ARFGEF2: variants seen among roughly 807,000 people sequenced by gnomAD.
ARFGEF2 encodes ARF guanine nucleotide exchange factor 2.
Under a neutral mutation model 219.9 loss-of-function variants are expected in ARFGEF2, and 74 were observed. The ratio of observed to expected loss-of-function variants is 0.34; its 90% CI spans 0.28 to 0.41. The LOEUF is 0.41. ARFGEF2 is among the 10% of genes least tolerant of loss of function. The pLI is 1.00. For missense variants in ARFGEF2, 1,743 were observed against 2,218.3 expected (o/e 0.79, Z 4.30); for synonymous variants, 733 against 799.2 (o/e 0.92, Z 1.40).
At chr20:48,978,951 T>A (rs1224008541) in intron 14 of ARFGEF2, among the ~76,000 whole-genome samples, 1 of 152,234 alleles carries the variant, frequency 6.6e-6, no homozygotes, top group Non-Finnish European at 1.5e-5. Context: ...TTTTCCTGAT[T>A]GAATACGCTT....
chr20:49,033,252 T>C lies in ARFGEF2; in HGVS notation c.*53T>C. On this transcript the variant is annotated 3_prime_UTR_variant, in exon 39 of 39. Coordinates refer to ENST00000371917, the MANE Select transcript of ARFGEF2 (RefSeq NM_006420.3). ...CTCTGCAGAATGTTCAGCATGCCAT[T>C]TCTGACTGGCACATCTCGTGAAGTT... is the stretch of plus-strand genomic sequence containing the variant. 6.3e-7 allele frequency: 1 copy of C among 1,599,172 alleles called. No individual in the cohort carries two copies.
chr20:48,992,487 C>T (rs1167590183), intron 21 of ARFGEF2, among the ~76,000 whole-genome samples: 1 of 152,160 alleles, frequency 6.6e-6, no homozygotes, highest in Non-Finnish European at 1.5e-5. Context: ...GCTCTAGAGC[C>T]TGGCAACTGG....
chr20:48,934,767 G>A (rs1173239968), intron 1 of ARFGEF2, among the ~76,000 whole-genome samples: 1 of 152,138 alleles, frequency 6.6e-6, no homozygotes, highest in Non-Finnish European at 1.5e-5. Flanking sequence ...ATGGGCATTC[G>A]GGTTGGTTCC....
intron 5 of ARFGEF2, among the ~76,000 whole-genome samples, chr20:48,953,102 A>C (rs2091081375): frequency 6.6e-6 from 1 of 150,742 alleles, no homozygotes; most frequent in South Asian, 2.1e-4. Flanking sequence ...TGTCAAAGGA[A>C]TTTATTTCCT....
chr20:49,030,623 ATTAAT>A (rs1222738427), intron 37 of ARFGEF2, among the ~76,000 whole-genome samples: 2 of 152,318 alleles, frequency 1.3e-5, no homozygotes, highest in Admixed American at 1.3e-4. Context: ...AAAAGAATTA[ATTAAT>A]TAAAGGAGGC....
chr20:48,967,188 A>G (rs2091193416), intron 8 of ARFGEF2, among the ~76,000 whole-genome samples: 1 of 152,152 alleles, frequency 6.6e-6, no homozygotes, highest in Non-Finnish European at 1.5e-5. Context: ...GCTTAAATCT[A>G]TACAAGGGAC....
In ARFGEF2 at chr20:48,963,796, C is replaced by T. The variant is rs371101929; in HGVS notation, c.839-34C>T. 5 of 1,598,032 alleles carry T rather than the reference C, an allele frequency of 3.1e-6. No individual in the cohort carries two copies. The East Asian group carries it at 8.9e-5, about 29-fold the overall frequency. Reference sequence around the variant, plus strand: ...TTCCTTTGTTTTTCCTGAAAATGCCCACGTGTGTTTTGTATATTTGGATGT... The same window carrying T: ...TTCCTTTGTTTTTCCTGAAAATGCCTACGTGTGTTTTGTATATTTGGATGT... On this transcript the variant is annotated intron_variant, in intron 6 of 38. Coordinates refer to ENST00000371917, the MANE Select transcript of ARFGEF2 (RefSeq NM_006420.3).
intron 1 of ARFGEF2, among the ~76,000 whole-genome samples, chr20:48,922,369 G>C (rs1343042837): frequency 6.6e-6 from 1 of 152,194 alleles, no homozygotes; most frequent in East Asian, 1.9e-4. Flanking sequence ...TGCTGATTGG[G>C]GTTCCCCTAG....
At chr20:49,028,200 G>A (rs1289990225) in intron 36 of ARFGEF2, among the ~76,000 whole-genome samples, 2 of 152,142 alleles carry the variant, frequency 1.3e-5, no homozygotes. Context: ...GGAGGTTGCA[G>A]TGAGCCGAGA....
rs746985756 is a variant in ARFGEF2, at chr20:48,984,774, G to A, written c.2004G>A (p.Gln668=). ...GGGGGATCCAGTTTCTCCAGGAGCA[G>A]GGCATGCTGGGAACGTCAGTTGAAG... ...PKRGIQFLQE[Q]GMLGTSVEDI... The change falls in exon 15 of 39, where the codon CAG becomes CAA. Residue 668 remains glutamine (Q), a synonymous_variant. Transcript: ENST00000371917. 2.5e-6 allele frequency: 4 copies of A among 1,613,650 alleles called. No individual in the cohort carries two copies. The African/African-American group carries it at 5.3e-5, about 22-fold the overall frequency.
At chr20:48,998,300 C>T (rs914581021) in intron 24 of ARFGEF2, 36 bp from the exon 25 acceptor site, 16 of 1,614,178 alleles carry the variant, frequency 9.9e-6, no homozygotes, top group Middle Eastern at 1.6e-4. Context: ...CTGTTCCTAA[C>T]GAGGCTTTGC....
intron 35 of ARFGEF2, among the ~76,000 whole-genome samples, chr20:49,023,523 G>GTTTTTTTTTTTTTTTTT (rs11289917): frequency 1.0e-5 from 1 of 97,002 alleles, no homozygotes; most frequent in Non-Finnish European, 2.1e-5. Context: ...TTTTTTTCTG[G>GTTTTTTTTTTTTTTTTT]TTTTTTTTTT....
intron 2 of ARFGEF2, 109 bp from the exon 3 acceptor site, chr20:48,941,755 A>G (rs1600594264): frequency 6.6e-7 from 1 of 1,518,374 alleles, no homozygotes; most frequent in East Asian, 2.3e-5. Flanking sequence ...TAGCCCCAGG[A>G]TATAGTTTGC....
At chr20:48,986,395 G>A (rs952555260) in intron 16 of ARFGEF2, among the ~76,000 whole-genome samples, 5 of 152,014 alleles carry the variant, frequency 3.3e-5, no homozygotes, top group South Asian at 2.1e-4. Context: ...TTGGGAGGCC[G>A]GGACGGGCAG....
At chr20:48,928,873 T>C (rs1243480285) in intron 1 of ARFGEF2, among the ~76,000 whole-genome samples, 1 of 152,220 alleles carries the variant, frequency 6.6e-6, no homozygotes, top group Non-Finnish European at 1.5e-5. Context: ...ATAGACCTTT[T>C]TGTAAGTCTC....
chr20:48,956,154 A>G (rs1402317255), intron 6 of ARFGEF2, among the ~76,000 whole-genome samples: 1 of 152,242 alleles, frequency 6.6e-6, no homozygotes, highest in Non-Finnish European at 1.5e-5. Context: ...ACATATTACT[A>G]AAGTGCATGG....
chr20:48,989,543 C>T lies in ARFGEF2; in HGVS notation c.2686-13C>T. On this transcript the variant is annotated splice_polypyrimidine_tract_variant and intron_variant, in intron 19 of 38. Coordinates refer to ENST00000371917, the MANE Select transcript of ARFGEF2 (RefSeq NM_006420.3). ...AAACTCTGGATGTTATTGAAATCTT[C>T]CTTCCATGATAGCTGGTGTGGACGC... The T allele has an allele frequency of 6.2e-7, 1 of 1,614,204 alleles. No individual in the cohort carries two copies. Among genetic ancestry groups the T allele is most frequent in the Non-Finnish European group, 8.5e-7 (1 of 1,180,044 alleles).
intron 1 of ARFGEF2, among the ~76,000 whole-genome samples, chr20:48,937,748 C>A (rs981054342): frequency 3.3e-5 from 5 of 152,228 alleles, no homozygotes; most frequent in African/African-American, 1.2e-4. Context: ...CTGCTCTCTT[C>A]GGTCCCTGTG....
intron 7 of ARFGEF2, among the ~76,000 whole-genome samples, chr20:48,964,387 A>C (rs750922302): frequency 1.3e-5 from 2 of 152,228 alleles, no homozygotes; most frequent in African/African-American, 2.4e-5. Context: ...CCTGGGTGAC[A>C]GAGCGAGACT....
Sources: gnomAD v4.1 joint callset for allele counts (sites outside exome capture counted in the v4.1 genomes callset) on GRCh38, gnomAD v4.1.1 for gene constraint, MANE v1.5 for transcripts, NCBI Gene and HGNC (gene_info 2026-07-23, HGNC 2026-07-21) for gene names.